Variants in CTSB observed in about 807,000 individuals in gnomAD.
CTSB encodes cathepsin B.
A neutral mutation model predicts 44.3 loss-of-function variants in CTSB; 57 were observed. The observed-to-expected ratio is 1.29, with a 90% CI of 1.04 to 1.60. The LOEUF (loss-of-function observed/expected upper bound fraction) is 1.60, where lower values mean the gene tolerates loss of function less well. CTSB is among the 40% of genes most tolerant of loss of function. The pLI, the probability that CTSB is intolerant of heterozygous loss-of-function variation, is 0.00. For missense variants in CTSB, 768 were observed against 443.0 expected (o/e 1.73, Z -6.59); for synonymous variants, 320 against 168.0 (o/e 1.91, Z -7.00).
chr8:11,867,744 G>C (rs1233707867), intron 1 of CTSB: 1 of 152,260 alleles, frequency 6.6e-6, no homozygotes, highest in Non-Finnish European at 1.5e-5. Context: ...CCGGGGAGGG[G>C]AGCGGAGGGC....
intron 9 of CTSB, 151 bp from the exon 10 acceptor site, chr8:11,845,373 C>T: frequency 2.9e-6 from 2 of 680,316 alleles, no homozygotes; most frequent in Non-Finnish European, 2.5e-6. Flanking sequence ...GCTTCTGGAG[C>T]CGTGGGGCAC....
chr8:11,860,065 C>CT (rs1272943175), intron 1 of CTSB, among the ~76,000 whole-genome samples: 1 of 152,034 alleles, frequency 6.6e-6, no homozygotes, highest in Admixed American at 6.6e-5. Context: ...GAGCAACACT[C>CT]TGTCTCAGAG....
intron 1 of CTSB, among the ~76,000 whole-genome samples, chr8:11,862,792 C>T (rs987555915): frequency 6.6e-6 from 1 of 152,256 alleles, no homozygotes. Context: ...TGAGACAGCC[C>T]GGCCCTCCGG....
chr8:11,865,539 G>C (rs1363748114), intron 1 of CTSB: 1 of 150,932 alleles, frequency 6.6e-6, no homozygotes, highest in African/African-American at 2.4e-5. Context: ...AGTGAGCTGA[G>C]ATCTTGCCAC....
intron 1 of CTSB, among the ~76,000 whole-genome samples, chr8:11,856,193 G>A (rs1262230913): frequency 1.4e-5 from 2 of 139,000 alleles, no homozygotes; most frequent in East Asian, 4.3e-4. Flanking sequence ...GCCTGGGGTG[G>A]GTGGGCACAA....
At chr8:11,848,476 T>G (rs1219322465) in intron 5 of CTSB, 4 of 432,154 alleles carry the variant, frequency 9.3e-6, no homozygotes, top group African/African-American at 2.0e-5. Context: ...ACGCTAAACT[T>G]CCCTAAGGTA....
At position 11,844,777 on chromosome 8, in the gene CTSB, T is replaced by C. The variant is rs1803249; in HGVS notation, c.*348A>G. The C allele has an allele frequency of 0.021, 4,579 of 218,910 alleles. 212 individuals carry two copies. Among genetic ancestry groups the C allele is most frequent in the African/African-American group, 0.094 (4,193 of 44,500 alleles). 13.6% of individuals were successfully genotyped at this position (218,910 alleles called of 1,614,324 possible). A position where few individuals can be genotyped will look rare whatever the true frequency, so the allele number is the denominator to read the frequency against. On this transcript the variant is annotated 3_prime_UTR_variant, in exon 10 of 10. Coordinates refer to ENST00000353047, the MANE Select transcript of CTSB (RefSeq NM_001908.5). ...GGAACTGATGGGGGAACTTTCATCC[T>C]GTTAGGAACTCCGCTTTCCATTCCT...
intron 4 of CTSB, 81 bp from the exon 5 acceptor site, chr8:11,849,245 G>A (rs1814078264): frequency 5.5e-6 from 6 of 1,087,524 alleles, no homozygotes; most frequent in East Asian, 4.8e-5. Flanking sequence ...GGGCCACAGG[G>A]GCACCTCAGA....
intron 5 of CTSB, 154 bp from the exon 6 acceptor site, chr8:11,848,306 G>T: frequency 1.4e-6 from 1 of 712,752 alleles, no homozygotes. Flanking sequence ...AACCCTCCAA[G>T]GGACGCTCCC....
chr8:11,862,821 C>G (rs974702551), intron 1 of CTSB, among the ~76,000 whole-genome samples: 9 of 152,252 alleles, frequency 5.9e-5, no homozygotes, highest in African/African-American at 2.2e-4. Flanking sequence ...GGCAGAATAT[C>G]TAGATGTCTT....
At chr8:11,854,046 C>T (rs1482734779) in intron 1 of CTSB, among the ~76,000 whole-genome samples, 1 of 152,182 alleles carries the variant, frequency 6.6e-6, no homozygotes, top group East Asian at 1.9e-4. Context: ...GCTCTGCTTC[C>T]GGCTGCGGAG....
intron 1 of CTSB, among the ~76,000 whole-genome samples, chr8:11,856,293 A>G (rs1815497449): frequency 6.6e-6 from 1 of 152,170 alleles, no homozygotes; most frequent in Admixed American, 6.5e-5. Context: ...AGTAACTGTT[A>G]AATTACGGTA....
At chr8:11,862,341 C>G (rs747622695) in intron 1 of CTSB, 4 of 152,334 alleles carry the variant, frequency 2.6e-5, no homozygotes, top group Admixed American at 2.0e-4. Context: ...TTGAAAGTGC[C>G]TACCCTGCAC....
intron 2 of CTSB, among the ~76,000 whole-genome samples, chr8:11,852,996 G>A (rs1372167124): frequency 3.9e-5 from 6 of 152,182 alleles, no homozygotes; most frequent in South Asian, 2.1e-4. Context: ...AATCAGGGGC[G>A]GGACTGATAA....
chr8:11,867,134 G>A (rs1817270698), intron 1 of CTSB: 1 of 152,288 alleles, frequency 6.6e-6, no homozygotes. Flanking sequence ...AGGCCCACCA[G>A]GAAGCCAAGT....
intron 8 of CTSB, chr8:11,846,344 G>A (rs144082684): frequency 0.026 from 3,924 of 152,538 alleles, 72 homozygotes; most frequent in Non-Finnish European, 0.031. Flanking sequence ...TAATAAGGGC[G>A]AGGACTATGC....
intron 5 of CTSB, chr8:11,848,535 A>AT (rs1767389590): frequency 8.1e-6 from 3 of 370,482 alleles, no homozygotes; most frequent in South Asian, 6.6e-5. Context: ...AGTGATTCCC[A>AT]TTTAACTAGT....
At chr8:11,858,789 G>C (rs1267269308) in intron 1 of CTSB, among the ~76,000 whole-genome samples, 1 of 152,208 alleles carries the variant, frequency 6.6e-6, no homozygotes. Context: ...CTGGACAAAT[G>C]CAGATGGTGA....
intron 1 of CTSB, among the ~76,000 whole-genome samples, chr8:11,866,794 A>C (rs1164940285): frequency 6.6e-6 from 1 of 152,146 alleles, no homozygotes; most frequent in Non-Finnish European, 1.5e-5. Flanking sequence ...TGGGAGGCGG[A>C]AGTTGTAGTG....
Sources: gnomAD v4.1 joint callset for allele counts (sites outside exome capture counted in the v4.1 genomes callset) on GRCh38, gnomAD v4.1.1 for gene constraint, MANE v1.5 for transcripts, NCBI Gene and HGNC (gene_info 2026-07-23, HGNC 2026-07-21) for gene names.